The following TBC1D19 variants were observed in gnomAD, a reference collection of about 807,000 sequenced individuals.
The protein encoded by TBC1D19 is TBC1 domain family member 19.
Under a neutral mutation model 89.0 loss-of-function variants are expected in TBC1D19, and 60 were observed. The ratio of observed to expected loss-of-function variants is 0.67; its 90% confidence interval spans 0.55 to 0.84. The LOEUF (loss-of-function observed/expected upper bound fraction) is 0.84. Ranked by LOEUF, TBC1D19 falls within the 40% of genes least tolerant of loss-of-function variation. TBC1D19 has a pLI of 0.00. For synonymous variants in TBC1D19, 189 were observed against 199.7 expected, an observed-to-expected ratio of 0.95 and a Z score of 0.45; for missense variants, 500 against 610.8, an observed-to-expected ratio of 0.82 and a Z score of 1.91.
intron 8 of TBC1D19, 127 bp from the exon 9 acceptor site, chr4:26,666,206 T>G (rs1711794610): frequency 1.5e-6 from 1 of 651,310 alleles, no homozygotes. Context: ...TTTAGGTATT[T>G]GAATAAAGCA....
chr4:26,796,603 G>T, the TBC1D19 span, among the ~76,000 whole-genome samples: 6 of 152,098 alleles, frequency 3.9e-5, no homozygotes, highest in Admixed American at 2.0e-4. Flanking sequence ...GGAGGCTGAG[G>T]CAGGATGATC....
intron 4 of TBC1D19, among the ~76,000 whole-genome samples, chr4:26,626,391 A>G (rs1463069057): frequency 1.3e-5 from 2 of 152,148 alleles, no homozygotes; most frequent in African/African-American, 4.8e-5. Context: ...TTCTTGTGAA[A>G]CAATACTAAT....
the TBC1D19 span, among the ~76,000 whole-genome samples, chr4:26,768,623 T>C: frequency 6.6e-6 from 1 of 152,104 alleles, no homozygotes; most frequent in Non-Finnish European, 1.5e-5. Context: ...CCATGTTAAG[T>C]AGAGACATGG....
At chr4:26,673,440 T>TACAC (rs1186152445) in intron 10 of TBC1D19, among the ~76,000 whole-genome samples, 21 of 16,606 alleles carry the variant, frequency 1.3e-3, no homozygotes, top group South Asian at 8.5e-3. Context: ...TATATATATA[T>TACAC]ATATATACAC....
chr4:26,817,072 G>A, the TBC1D19 span, among the ~76,000 whole-genome samples: 5 of 152,272 alleles, frequency 3.3e-5, no homozygotes, highest in Admixed American at 2.0e-4. Flanking sequence ...CAAGTTCACC[G>A]GCTGATGCTT....
chr4:26,742,661 A>G, intron 18 of TBC1D19, 62 bp downstream of exon 18: 1 of 1,313,728 alleles, frequency 7.6e-7, no homozygotes, highest in Non-Finnish European at 1.1e-6. Flanking sequence ...TTTTTTCCTC[A>G]TTGCAGAGCA....
the TBC1D19 span, among the ~76,000 whole-genome samples, chr4:26,854,263 A>C: frequency 6.6e-6 from 1 of 152,228 alleles, no homozygotes; most frequent in African/African-American, 2.4e-5. Flanking sequence ...AAAGAAATAC[A>C]TATCTGTTTG....
chr4:26,839,572 A>AG, the TBC1D19 span, among the ~76,000 whole-genome samples: 3 of 149,086 alleles, frequency 2.0e-5, no homozygotes, highest in Admixed American at 2.0e-4. Context: ...CTTTTCCATC[A>AG]CCCCCCCGCC....
intron 4 of TBC1D19, among the ~76,000 whole-genome samples, chr4:26,621,702 T>C (rs927704867): frequency 2.0e-5 from 3 of 152,146 alleles, no homozygotes; most frequent in African/African-American, 7.2e-5. Flanking sequence ...TGAGGAAGTA[T>C]ATATTTCTAT....
the TBC1D19 span, among the ~76,000 whole-genome samples, chr4:26,828,780 T>G: frequency 6.6e-6 from 1 of 152,302 alleles, no homozygotes; most frequent in East Asian, 1.9e-4. Flanking sequence ...AATTAACAAA[T>G]ACAAAGGACT....
chr4:26,816,238 C>T, the TBC1D19 span, among the ~76,000 whole-genome samples: 1 of 57,210 alleles, frequency 1.7e-5, no homozygotes, highest in African/African-American at 7.8e-5. Flanking sequence ...GCTTGCCATC[C>T]CTCACTTTAC....
intron 7 of TBC1D19, among the ~76,000 whole-genome samples, chr4:26,659,197 A>G (rs1745064058): frequency 6.6e-6 from 1 of 152,178 alleles, no homozygotes; most frequent in Non-Finnish European, 1.5e-5. Flanking sequence ...TTTGTTTTTA[A>G]ATGTGTTAGA....
At position 26,610,278 on chromosome 4, in the gene TBC1D19, G is replaced by A. The variant is rs146333284; in HGVS notation, c.100-2891G>A. Among the ~76,000 whole-genome samples, 88 of 152,072 alleles carry A rather than the reference G, an allele frequency of 5.8e-4. 1 individual carries two copies. The East Asian group carries it at 0.015, about 26-fold the overall frequency. On this transcript the variant is annotated intron_variant, in intron 1 of 20. Transcript: ENST00000264866. ...AATCTATAATGTATTGTTATGGGGT[G>A]AAGGACTTTGTAATGACCACCCTAT...
the TBC1D19 span, among the ~76,000 whole-genome samples, chr4:26,774,422 T>C: frequency 6.6e-6 from 1 of 152,238 alleles, no homozygotes; most frequent in African/African-American, 2.4e-5. Context: ...TTCCAATCCA[T>C]GAACATGGTA....
At chr4:26,767,546 C>G in the TBC1D19 span, among the ~76,000 whole-genome samples, 3 of 152,198 alleles carry the variant, frequency 2.0e-5, no homozygotes, top group African/African-American at 7.2e-5. Context: ...AGCTCTCTCC[C>G]CTCTCACTCT....
chr4:26,685,971 G>A (rs1172487961), intron 12 of TBC1D19, among the ~76,000 whole-genome samples: 2 of 152,170 alleles, frequency 1.3e-5, no homozygotes, highest in African/African-American at 4.8e-5. Flanking sequence ...GAAGTAATTT[G>A]TGCCTGAGGA....
intron 17 of TBC1D19, among the ~76,000 whole-genome samples, chr4:26,741,249 G>A (rs900136135): frequency 6.6e-6 from 1 of 151,386 alleles, no homozygotes; most frequent in South Asian, 2.1e-4. Flanking sequence ...CCAGCTACTC[G>A]GGAGGCTGAG....
the TBC1D19 span, among the ~76,000 whole-genome samples, chr4:26,808,581 T>C: frequency 6.6e-6 from 1 of 151,808 alleles, no homozygotes; most frequent in African/African-American, 2.4e-5. Context: ...CAAAAAAAAT[T>C]AGCCAGGCGT....
intron 9 of TBC1D19, 107 bp downstream of exon 9, chr4:26,666,512 A>G (rs1179115922): frequency 2.2e-6 from 2 of 890,110 alleles, no homozygotes; most frequent in Non-Finnish European, 3.4e-6. Context: ...TCTGAAAACT[A>G]AGCATGCTTT....
Sources: gnomAD v4.1 joint callset for allele counts (sites outside exome capture counted in the v4.1 genomes callset) on GRCh38, gnomAD v4.1.1 for gene constraint, MANE v1.5 for transcripts, NCBI Gene and HGNC (gene_info 2026-07-23, HGNC 2026-07-21) for gene names.